The following ZNF469 variants were observed in gnomAD, a reference collection of about 807,000 sequenced individuals.
ZNF469 encodes zinc finger protein 469.
Under a neutral mutation model 1.0 loss-of-function variants are expected in ZNF469, and 1 was observed. That is an observed-to-expected ratio of 1.00 (90% CI 0.35 to 4.73). ZNF469 has a LOEUF of 4.73. Among genes scored for constraint, ZNF469 ranks in the 30% most tolerant of loss-of-function variants. The pLI is 0.16. For missense variants in ZNF469, 6,100 were observed against 5,356.3 expected, an observed-to-expected ratio of 1.14 and a Z score of -4.33; for synonymous variants, 2,703 against 2,363.4, an observed-to-expected ratio of 1.14 and a Z score of -4.17.
chr16:88,174,064 T>C, the ZNF469 span, among the ~76,000 whole-genome samples: 1 of 152,048 alleles, frequency 6.6e-6, no homozygotes, highest in Non-Finnish European at 1.5e-5. Flanking sequence ...TAAGATACAG[T>C]AAAGAAGGAA....
chr16:88,208,851 C>T, the ZNF469 span, among the ~76,000 whole-genome samples: 3 of 151,136 alleles, frequency 2.0e-5, no homozygotes, highest in African/African-American at 7.3e-5. Context: ...ACATGAGCCA[C>T]GAGCTCCCAC....
At chr16:88,270,621 T>A in the ZNF469 span, among the ~76,000 whole-genome samples, 1,023 of 152,352 alleles carry the variant, frequency 6.7e-3, 7 homozygotes, top group African/African-American at 0.023. Context: ...ACTCGATGCT[T>A]CACAGACTGT....
At chr16:88,199,574 G>C in the ZNF469 span, among the ~76,000 whole-genome samples, 5 of 152,224 alleles carry the variant, frequency 3.3e-5, no homozygotes, top group African/African-American at 1.2e-4. Flanking sequence ...ACATTCTTTG[G>C]TGAACATCCC....
At position 88,426,101 on chromosome 16, in the gene ZNF469, C is replaced by T. The variant is rs147816456; in HGVS notation, c.-127+1230C>T. On this transcript the variant is annotated intron_variant, in intron 2 of 2. Transcript: ENST00000565624. ...CTCCGGGAGGGGCATGAGACACCAC[C>T]AGCTCAGGCCGGTGGGAGGGTCCTG... is the stretch of plus-strand genomic sequence containing the variant. Among the ~76,000 whole-genome samples the T allele has an allele frequency of 1.3e-4, 20 of 152,388 alleles. 1 individual carries two copies. Among genetic ancestry groups the T allele is most frequent in the African/African-American group, 4.6e-4 (19 of 41,596 alleles).
chr16:88,115,842 G>C, the ZNF469 span, among the ~76,000 whole-genome samples: 1 of 152,176 alleles, frequency 6.6e-6, no homozygotes, highest in African/African-American at 2.4e-5. Context: ...CAGCTCCTGG[G>C]CACTCCAGGT....
the ZNF469 span, among the ~76,000 whole-genome samples, chr16:88,222,835 A>G: frequency 6.6e-6 from 1 of 152,024 alleles, no homozygotes; most frequent in African/African-American, 2.4e-5. Context: ...CTGGCCTCAA[A>G]CGATCCTTCC....
chr16:88,435,902 ACAGCACCAC>A lies in ZNF469; in HGVS notation c.8438_8446del (p.Thr2813_Ser2815del). 1.9e-6 allele frequency: 3 copies of A among 1,550,000 alleles called. No homozygotes were observed. The highest frequency in any genetic ancestry group is 1.7e-4 in the Middle Eastern group (1 of 5,986). ...CCCGAGACTTCCAGCTCTCCGGCGG[ACAGCACCAC>A]CAGCAGCTGCCTCCAGGGCCTCCCG... On this transcript the variant is annotated inframe_deletion, in exon 3 of 3. Coordinates refer to ENST00000565624, the MANE Select transcript of ZNF469 (RefSeq NM_001367624.2).
chr16:88,286,344 C>G, the ZNF469 span, among the ~76,000 whole-genome samples: 16 of 152,364 alleles, frequency 1.1e-4, no homozygotes, highest in Admixed American at 9.1e-4. Context: ...TGGCTGCTGA[C>G]ATCTGCCGTT....
chr16:88,174,476 G>GTCTGTCTGTCTATCTATCTATCTA, the ZNF469 span, among the ~76,000 whole-genome samples: 2 of 101,660 alleles, frequency 2.0e-5, no homozygotes, highest in South Asian at 4.4e-4. Context: ...CTGTCTGTCT[G>GTCTGTCTGTCTATCTATCTATCTA]TCTATCTATC....
the ZNF469 span, among the ~76,000 whole-genome samples, chr16:88,166,461 G>A: frequency 6.6e-5 from 10 of 152,098 alleles, no homozygotes; most frequent in Admixed American, 4.6e-4. This position sits in a 1 kb window ranked among gnomAD's most constrained non-coding sequence, Gnocchi z 4.5. Flanking sequence ...TTAGATGTAC[G>A]GTTCGCTGTT....
At chr16:88,239,564 T>G in the ZNF469 span, among the ~76,000 whole-genome samples, 1 of 147,874 alleles carries the variant, frequency 6.8e-6, no homozygotes, top group African/African-American at 2.5e-5. Context: ...CTCGGCTCAC[T>G]GCAAGCTCCG....
chr16:88,417,039 C>G lies in ZNF469; in HGVS notation c.-191-7768C>G, dbSNP rs74597318. Among the ~76,000 whole-genome samples, 585 of 152,338 alleles carry G rather than the reference C, an allele frequency of 3.8e-3. 4 individuals are homozygous for G. Among genetic ancestry groups the G allele is most frequent in the African/African-American group, 0.014 (564 of 41,588 alleles). ...CTCGCTGTGACAGGGTGAGGGCTGACAGCTCCAAGAGAAAGGCAGACTTGG... is the reference window on the plus strand; with the variant it reads ...CTCGCTGTGACAGGGTGAGGGCTGAGAGCTCCAAGAGAAAGGCAGACTTGG... On this transcript the variant is annotated intron_variant, in intron 1 of 2. Transcript: ENST00000565624.
At chr16:88,149,992 C>T in the ZNF469 span, among the ~76,000 whole-genome samples, 1 of 152,340 alleles carries the variant, frequency 6.6e-6, no homozygotes, top group Middle Eastern at 3.4e-3. Flanking sequence ...GGCACAGCCC[C>T]CCAGCACATC....
At chr16:88,380,796 T>TCA (rs762474949), upstream of ZNF469, among the ~76,000 whole-genome samples, 4 of 59,422 alleles carry the variant, frequency 6.7e-5, no homozygotes, top group Non-Finnish European at 1.1e-4. Flanking sequence ...ACACATGCAC[T>TCA]CACACATGCA....
chr16:88,355,752 T>C, the ZNF469 span, among the ~76,000 whole-genome samples: 1 of 152,156 alleles, frequency 6.6e-6, no homozygotes, highest in Non-Finnish European at 1.5e-5. Context: ...AGACCCAGCA[T>C]GGCGACAGCT....
chr16:88,392,671 T>A (rs565056296), intron 1 of ZNF469, among the ~76,000 whole-genome samples: 2 of 152,332 alleles, frequency 1.3e-5, no homozygotes, highest in East Asian at 3.9e-4. Context: ...AGATGCTATG[T>A]TTCAGGCACC....
chr16:88,169,049 G>T, the ZNF469 span, among the ~76,000 whole-genome samples: 1 of 152,118 alleles, frequency 6.6e-6, no homozygotes, highest in African/African-American at 2.4e-5. The surrounding 1 kb of genome is among the most constrained non-coding windows in gnomAD (Gnocchi z 6.1). Context: ...CACGTTGGGG[G>T]ACAGAGTGTT....
chr16:88,167,453 C>T, the ZNF469 span, among the ~76,000 whole-genome samples: 2 of 152,188 alleles, frequency 1.3e-5, no homozygotes, highest in East Asian at 1.9e-4. Context: ...TTGCTGACAC[C>T]GACCACGTCC....
chr16:88,179,779 A>G, the ZNF469 span, among the ~76,000 whole-genome samples: 1 of 152,264 alleles, frequency 6.6e-6, no homozygotes, highest in Admixed American at 6.5e-5. Context: ...ACAGAAAGAT[A>G]ATTGACTACC....
Sources: allele counts gnomAD v4.1 joint callset (sites outside exome capture counted in the v4.1 genomes callset), GRCh38; gene constraint gnomAD v4.1.1; non-coding constraint Gnocchi (gnomAD v3.1); transcripts MANE v1.5; gene names NCBI Gene and HGNC (gene_info 2026-07-23, HGNC 2026-07-21).